Variants in TANC1 observed in about 807,000 individuals in gnomAD.
The protein encoded by TANC1 is tetratricopeptide repeat, ankyrin repeat and coiled-coil containing 1, also known as protein TANC1.
TANC1 carries 77 observed loss-of-function variants against 149.7 expected under a neutral mutation model. The ratio of observed to expected loss-of-function variants is 0.51; its 90% confidence interval spans 0.43 to 0.62. TANC1 has a LOEUF of 0.62. Among genes scored for constraint, TANC1 ranks in the 20% least tolerant of loss-of-function variants. TANC1 has a pLI of 0.00. For missense variants in TANC1, 1,985 were observed against 2,321.8 expected, an observed-to-expected ratio of 0.85 and a Z score of 2.98; for synonymous variants, 854 against 925.0, an observed-to-expected ratio of 0.92 and a Z score of 1.39.
At chr2:159,172,012 T>C (rs949075253) in intron 10 of TANC1, 109 bp from the exon 11 acceptor site, 26 of 1,122,964 alleles carry the variant, frequency 2.3e-5, no homozygotes, top group Non-Finnish European at 3.2e-5. Flanking sequence ...TTGGACCATG[T>C]TCACTCCTTG....
rs747171069 is a variant in TANC1, at chr2:158,995,178, T to G, written c.-125-5902T>G. ...GAGCTGGGGATTCCCTGTGTTTGCA[T>G]AAGGTTGTCCTGTAGCTCTTTCTGT... is the stretch of plus-strand genomic sequence containing the variant. On this transcript the variant is annotated intron_variant, in intron 1 of 26. Transcript: ENST00000263635. Among the ~76,000 whole-genome samples, 52 of 152,352 alleles carry G rather than the reference T, an allele frequency of 3.4e-4. No individual in the cohort carries two copies. The Middle Eastern group carries it at 0.01, about 30-fold the overall frequency.
chr2:159,192,835 C>T (rs563447595), intron 16 of TANC1, among the ~76,000 whole-genome samples: 1 of 152,130 alleles, frequency 6.6e-6, no homozygotes, highest in South Asian at 2.1e-4. Context: ...TTTTAGTAGA[C>T]ACGGGGTTTT....
chr2:159,097,740 C>T lies in TANC1; in HGVS notation c.165C>T (p.Ser55=). 1 of 1,614,088 alleles carries T rather than the reference C, an allele frequency of 6.2e-7. No homozygotes were observed. Among genetic ancestry groups the T allele is most frequent in the Non-Finnish European group, 8.5e-7 (1 of 1,180,002 alleles). The change falls in exon 4 of 27, where the codon AGC becomes AGT. Residue 55 remains serine (S), a synonymous_variant. Transcript: ENST00000263635. ...LPTAEDTYRV[S]LAKGVSMSLP... is the part of the protein sequence containing the mutation. Reference sequence around the variant, plus strand: ...CAGCAGAGGACACCTATAGGGTGAGCTTGGCCAAAGGTGTCTCGATGTCTC... The same window carrying T: ...CAGCAGAGGACACCTATAGGGTGAGTTTGGCCAAAGGTGTCTCGATGTCTC...
intron 2 of TANC1, among the ~76,000 whole-genome samples, chr2:159,003,010 C>T (rs1334733005): frequency 6.6e-6 from 1 of 152,178 alleles, no homozygotes; most frequent in African/African-American, 2.4e-5. Flanking sequence ...AGACCTTCAT[C>T]AGCATCGCTG....
At chr2:159,100,166 G>A (rs2046536272) in intron 4 of TANC1, among the ~76,000 whole-genome samples, 1 of 152,192 alleles carries the variant, frequency 6.6e-6, no homozygotes, top group Non-Finnish European at 1.5e-5. Context: ...CCTATAGTCT[G>A]TGCTACTGCA....
chr2:159,038,594 A>G (rs1360555809), intron 2 of TANC1, among the ~76,000 whole-genome samples: 3 of 152,228 alleles, frequency 2.0e-5, no homozygotes, highest in South Asian at 2.1e-4. Context: ...ACCTTTCTGC[A>G]TCTATTGAGA....
At chr2:159,003,529 A>AT (rs527699518) in intron 2 of TANC1, among the ~76,000 whole-genome samples, 224 of 152,128 alleles carry the variant, frequency 1.5e-3, no homozygotes, top group Middle Eastern at 3.4e-3. Flanking sequence ...GAGAGGTTAA[A>AT]TTGCCTGCCC....
At chr2:158,994,105 G>A (rs772101253) in intron 1 of TANC1, among the ~76,000 whole-genome samples, 8 of 152,144 alleles carry the variant, frequency 5.3e-5, no homozygotes, top group Admixed American at 2.0e-4. Context: ...GGGTAATGGA[G>A]ATTATAACTA....
At chr2:159,187,167 C>T (rs1008645596) in intron 16 of TANC1, 143 bp downstream of exon 16, 46 of 991,092 alleles carry the variant, frequency 4.6e-5, no homozygotes, top group African/African-American at 4.1e-4. Flanking sequence ...CCTGATCACA[C>T]GGGCTTGGGT....
chr2:159,062,494 T>G (rs1427762960), intron 2 of TANC1, among the ~76,000 whole-genome samples: 1 of 152,146 alleles, frequency 6.6e-6, no homozygotes, highest in Non-Finnish European at 1.5e-5. Flanking sequence ...TAGTTGAAGT[T>G]GCTACTGGAA....
intron 1 of TANC1, among the ~76,000 whole-genome samples, chr2:158,983,043 A>G (rs1244712356): frequency 6.6e-6 from 1 of 152,202 alleles, no homozygotes; most frequent in African/African-American, 2.4e-5. Context: ...TAAGTTCTTG[A>G]TTTCAAGATA....
At chr2:159,081,336 C>G (rs1257796466) in intron 3 of TANC1, among the ~76,000 whole-genome samples, 1 of 151,698 alleles carries the variant, frequency 6.6e-6, no homozygotes, top group Non-Finnish European at 1.5e-5. Flanking sequence ...CAGAGATAGT[C>G]TAGGTGGGAA....
chr2:159,037,089 T>A (rs1291419633), intron 2 of TANC1, among the ~76,000 whole-genome samples: 1 of 152,236 alleles, frequency 6.6e-6, no homozygotes, highest in Non-Finnish European at 1.5e-5. Flanking sequence ...GTGGTTTTGA[T>A]TTGCATTTCT....
intron 1 of TANC1, among the ~76,000 whole-genome samples, chr2:159,000,591 G>C (rs970836259): frequency 6.6e-6 from 1 of 152,038 alleles, no homozygotes; most frequent in African/African-American, 2.4e-5. Flanking sequence ...CCTTGGGTTT[G>C]GCTAAAGAGG....
At chr2:159,070,909 A>T (rs570133281) in intron 3 of TANC1, among the ~76,000 whole-genome samples, 11 of 151,888 alleles carry the variant, frequency 7.2e-5, no homozygotes, top group African/African-American at 2.7e-4. Flanking sequence ...CTCAGCTAAT[A>T]TTTTTTTTTC....
intron 1 of TANC1, among the ~76,000 whole-genome samples, chr2:158,976,089 C>T (rs1174854513): frequency 6.6e-6 from 1 of 152,082 alleles, no homozygotes; most frequent in Non-Finnish European, 1.5e-5. Context: ...CCACCTTGGC[C>T]TCCCAAAGTG....
At chr2:159,223,988 C>A (rs1046948968) in intron 22 of TANC1, among the ~76,000 whole-genome samples, 14 of 152,332 alleles carry the variant, frequency 9.2e-5, no homozygotes, top group African/African-American at 3.4e-4. Flanking sequence ...CACACACCCA[C>A]CTGTGGTAGC....
chr2:159,169,053 A>T (rs1214162404), intron 8 of TANC1, among the ~76,000 whole-genome samples, 197 bp from the exon 9 acceptor site: 1 of 152,352 alleles, frequency 6.6e-6, no homozygotes, highest in Non-Finnish European at 1.5e-5. Context: ...AAGAAAAAGA[A>T]GCATTTGGTT....
intron 3 of TANC1, among the ~76,000 whole-genome samples, chr2:159,088,666 A>C (rs895372144): frequency 3.9e-5 from 6 of 152,224 alleles, no homozygotes; most frequent in Admixed American, 2.0e-4. Context: ...AAACTTTCTT[A>C]AAACATTATG....
Sources: allele counts gnomAD v4.1 joint callset (sites outside exome capture counted in the v4.1 genomes callset), GRCh38; gene constraint gnomAD v4.1.1; transcripts MANE v1.5; gene names NCBI Gene and HGNC (gene_info 2026-07-23, HGNC 2026-07-21).